Variants in SCNN1B observed in about 807,000 individuals in gnomAD.
The protein encoded by SCNN1B is epithelial sodium channel subunit beta.
SCNN1B carries 46 observed loss-of-function variants against 65.3 expected under a neutral mutation model. The observed-to-expected ratio is 0.70, with a 90% CI of 0.56 to 0.90. SCNN1B has a LOEUF of 0.90. Ranked by LOEUF, SCNN1B falls within the 40% of genes least tolerant of loss-of-function variation. The probability of loss-of-function intolerance (pLI) is 0.00; values close to 1 mark genes in which losing one functional copy is unlikely to be tolerated. For synonymous variants in SCNN1B, 349 were observed against 330.6 expected (o/e 1.06, Z -0.60); for missense variants, 751 against 830.5 (o/e 0.90, Z 1.18).
chr16:23,310,737 G>C (rs1961323472), intron 1 of SCNN1B, among the ~76,000 whole-genome samples: 1 of 152,228 alleles, frequency 6.6e-6, no homozygotes, highest in African/African-American at 2.4e-5. Context: ...AAAAGTTAAA[G>C]AGCAAAGGCT....
chr16:23,339,247 G>A (rs1176908101), intron 1 of SCNN1B, among the ~76,000 whole-genome samples: 2 of 151,928 alleles, frequency 1.3e-5, no homozygotes, highest in African/African-American at 2.4e-5. Flanking sequence ...TGGATATGCC[G>A]TAATTTATTT....
rs3214466 is a variant in SCNN1B, at chr16:23,371,661, CT to C, written c.1045-114del. On this transcript the variant is annotated intron_variant, in intron 6 of 12. Coordinates refer to ENST00000343070, the MANE Select transcript of SCNN1B (RefSeq NM_000336.3). ...TCTGGCGCCCCCTCTGGCGCCCCCC[CT>C]GGCACCTGCAGGGGTCCACAGCCCT... is the stretch of plus-strand genomic sequence containing the variant. The C allele has an allele frequency of 0.23, 246,992 of 1,056,158 alleles. 30,389 individuals carry two copies. Among genetic ancestry groups the C allele is most frequent in the East Asian group, 0.33 (13,705 of 41,690 alleles). The allele number at this position is 1,056,158 out of a possible 1,614,324, so 65.4% of individuals were successfully genotyped here.
intron 11 of SCNN1B, 74 bp downstream of exon 11, chr16:23,378,841 A>G: frequency 7.4e-7 from 1 of 1,354,566 alleles, no homozygotes; most frequent in Non-Finnish European, 1.1e-6. Context: ...GTTTGGACAC[A>G]GGACAGCTCC....
chr16:23,344,256 T>C (rs2142012501), intron 1 of SCNN1B, among the ~76,000 whole-genome samples: 1 of 152,372 alleles, frequency 6.6e-6, no homozygotes. Context: ...TACTGTTGCC[T>C]GAGCCTGAGG....
intron 2 of SCNN1B, among the ~76,000 whole-genome samples, chr16:23,288,829 G>C (rs1960885941): frequency 1.3e-5 from 2 of 152,076 alleles, no homozygotes; most frequent in African/African-American, 4.8e-5. Context: ...TCATTTAAAG[G>C]CTCGACTGGG....
At chr16:23,359,405 C>G (rs1481071471) in intron 4 of SCNN1B, 1 of 152,340 alleles carries the variant, frequency 6.6e-6, no homozygotes, top group African/African-American at 2.4e-5. Context: ...GCCTATTTCC[C>G]CAGCCCTCGG....
Position 23,373,831 on chromosome 16 carries a change from GGACA to G in SCNN1B, c.1153-1893_1153-1890del, listed in dbSNP as rs993455787. 1.1e-3 allele frequency among the ~76,000 whole-genome samples: 173 copies of G among 152,258 alleles called. 1 individual carries two copies. The highest frequency in any genetic ancestry group is 1.2e-3 in the Non-Finnish European group (82 of 68,016). On this transcript the variant is annotated intron_variant, in intron 7 of 12. Coordinates refer to ENST00000343070, the MANE Select transcript of SCNN1B (RefSeq NM_000336.3). ...CTAGCCGTCATCTGAGCCTCTGGAG[GGACA>G]GACAGACAGACAGGACAGTACAGGG...
Position 23,380,100 on chromosome 16 carries a change from A to T in SCNN1B, c.1473A>T (p.Gly491=). The stretch of plus-strand genomic sequence containing the variant: ...TTCTCGCTGCCTCCTGCAGGAAGGG[A>T]ATTGTCAAGCTCAACATCTACTTCC... ...QSTNITLSRK[G]IVKLNIYFQE... is the part of the protein sequence containing the mutation. The change falls in exon 12 of 13, where the codon GGA becomes GGT. Residue 491 remains glycine (G), a synonymous_variant. Transcript: ENST00000343070. The surrounding 1 kb of genome is among the most constrained non-coding windows in gnomAD (Gnocchi z 5.4). 1 of 1,613,832 alleles carries T rather than the reference A, an allele frequency of 6.2e-7. No individual in the cohort carries two copies. The highest frequency in any genetic ancestry group is 1.1e-5 in the South Asian group (1 of 91,078).
intron 4 of SCNN1B, chr16:23,358,643 A>G (rs1335154091): frequency 6.6e-6 from 1 of 152,254 alleles, no homozygotes; most frequent in Non-Finnish European, 1.5e-5. Context: ...TCAGTGGCTC[A>G]TGCCTATAAT....
At chr16:23,375,609 G>C (rs1261465831) in intron 7 of SCNN1B, 129 bp from the exon 8 acceptor site, 2 of 774,710 alleles carry the variant, frequency 2.6e-6, no homozygotes, top group Admixed American at 1.7e-5. Flanking sequence ...CTCAGCCCTG[G>C]AGCACCTCCA....
At chr16:23,333,099 AAGGAAGGAAGGG>A (rs1961850534) in intron 1 of SCNN1B, among the ~76,000 whole-genome samples, 2 of 108,810 alleles carry the variant, frequency 1.8e-5, no homozygotes, top group African/African-American at 9.8e-5. Flanking sequence ...GAAAGGGAGG[AAGGAAGGAAGGG>A]AGGGAGGGAG....
chr16:23,305,546 ATATAT>A (rs1961183634), intron 1 of SCNN1B, among the ~76,000 whole-genome samples: 1 of 32,244 alleles, frequency 3.1e-5, no homozygotes, highest in Non-Finnish European at 4.5e-5. Context: ...ATATATATAT[ATATAT>A]ATATATATAT....
chr16:23,361,331 T>C (rs529239694), intron 4 of SCNN1B, among the ~76,000 whole-genome samples: 2 of 152,302 alleles, frequency 1.3e-5, no homozygotes, highest in South Asian at 4.1e-4. Context: ...CCAAAAGTAC[T>C]AGGATTACAG....
At chr16:23,342,096 A>G (rs1020604012) in intron 1 of SCNN1B, among the ~76,000 whole-genome samples, 9 of 152,264 alleles carry the variant, frequency 5.9e-5, no homozygotes, top group African/African-American at 1.4e-4. Flanking sequence ...CTGTCCATCA[A>G]CTGATGAATG....
At chr16:23,346,715 A>G (rs1360045076) in intron 1 of SCNN1B, among the ~76,000 whole-genome samples, 3 of 8,062 alleles carry the variant, frequency 3.7e-4, no homozygotes, top group Non-Finnish European at 6.8e-4. Flanking sequence ...CTCCCTCCCC[A>G]CTTCAGCCTT....
intron 1 of SCNN1B, among the ~76,000 whole-genome samples, chr16:23,319,110 A>G (rs557413422): frequency 7.3e-5 from 11 of 150,678 alleles, no homozygotes; most frequent in African/African-American, 2.7e-4. Flanking sequence ...GCGCGATCTC[A>G]GCTTACTGCA....
chr16:23,360,805 GT>G (rs1567311785), intron 4 of SCNN1B, among the ~76,000 whole-genome samples: 1 of 150,024 alleles, frequency 6.7e-6, no homozygotes, highest in Non-Finnish European at 1.5e-5. Flanking sequence ...GTTTTGTTTT[GT>G]TTTTTTGAGA....
At chr16:23,305,230 T>C (rs1252243779) in intron 1 of SCNN1B, among the ~76,000 whole-genome samples, 1 of 152,022 alleles carries the variant, frequency 6.6e-6, no homozygotes, top group Non-Finnish European at 1.5e-5. Flanking sequence ...GTGCTCCCCT[T>C]TGGAATACAA....
intron 1 of SCNN1B, among the ~76,000 whole-genome samples, chr16:23,309,194 C>T (rs1961285500): frequency 6.6e-6 from 1 of 151,970 alleles, no homozygotes; most frequent in Admixed American, 6.6e-5. Flanking sequence ...AACTATTATT[C>T]TTCCAAATTT....
Sources: gnomAD v4.1 joint callset for allele counts (sites outside exome capture counted in the v4.1 genomes callset) on GRCh38, gnomAD v4.1.1 for gene constraint, Gnocchi (gnomAD v3.1) non-coding constraint, MANE v1.5 for transcripts, NCBI Gene and HGNC (gene_info 2026-07-23, HGNC 2026-07-21) for gene names.